The following MDGA2 variants were observed in gnomAD, a reference collection of about 807,000 sequenced individuals.
The protein encoded by MDGA2 is MAM domain-containing glycosylphosphatidylinositol anchor protein 2.
Under a neutral mutation model 117.8 loss-of-function variants are expected in MDGA2, and 40 were observed. The ratio of observed to expected loss-of-function variants is 0.34; its 90% CI spans 0.26 to 0.44. MDGA2 has a LOEUF of 0.44. MDGA2 is among the 20% of genes least tolerant of loss of function. The pLI is 1.00. For missense variants in MDGA2, 1,123 were observed against 1,250.6 expected (o/e 0.90, Z 1.54); for synonymous variants, 452 against 439.0 (o/e 1.03, Z -0.37).
At chr14:47,552,935 G>T (rs1294338644) in intron 1 of MDGA2, among the ~76,000 whole-genome samples, 1 of 152,060 alleles carries the variant, frequency 6.6e-6, no homozygotes, top group African/African-American at 2.4e-5. Flanking sequence ...CTATCTGCTG[G>T]CTGGTTCCCT....
chr14:47,641,580 A>G (rs1897425257), intron 1 of MDGA2, among the ~76,000 whole-genome samples: 1 of 152,152 alleles, frequency 6.6e-6, no homozygotes, highest in Admixed American at 6.5e-5. Flanking sequence ...GGTGGCCAGG[A>G]GTTCAAAAGT....
intron 16 of MDGA2, among the ~76,000 whole-genome samples, chr14:46,842,852 G>T (rs1294346054): frequency 6.6e-6 from 1 of 152,198 alleles, no homozygotes; most frequent in East Asian, 1.9e-4. Context: ...GCAGCCTGAG[G>T]AATCAGGAAG....
intron 1 of MDGA2, among the ~76,000 whole-genome samples, chr14:47,456,895 T>C (rs1261515025): frequency 6.6e-6 from 1 of 150,698 alleles, no homozygotes; most frequent in Non-Finnish European, 1.5e-5. Context: ...ACACTTGGAG[T>C]ATACTCAAAA....
At chr14:47,090,208 C>A (rs1879558134) in intron 6 of MDGA2, among the ~76,000 whole-genome samples, 1 of 152,036 alleles carries the variant, frequency 6.6e-6, no homozygotes, top group Non-Finnish European at 1.5e-5. Flanking sequence ...TAAATCATCA[C>A]TTTTTGGAAG....
At chr14:47,513,241 G>T (rs1367109519) in intron 1 of MDGA2, among the ~76,000 whole-genome samples, 2 of 152,094 alleles carry the variant, frequency 1.3e-5, no homozygotes, top group African/African-American at 4.8e-5. Flanking sequence ...CAGTCTAATT[G>T]CTCAAATGTT....
At chr14:47,339,904 T>C (rs558925390) in intron 1 of MDGA2, among the ~76,000 whole-genome samples, 2 of 152,276 alleles carry the variant, frequency 1.3e-5, no homozygotes, top group African/African-American at 2.4e-5. Context: ...TAATCATGAG[T>C]TTGTATCCAC....
At chr14:47,063,794 G>C (rs1889981340) in intron 6 of MDGA2, among the ~76,000 whole-genome samples, 2 of 151,670 alleles carry the variant, frequency 1.3e-5, no homozygotes, top group Admixed American at 6.6e-5. Flanking sequence ...GGTTCATATG[G>C]GATATCTTTT....
chr14:46,845,892 A>C, intron 15 of MDGA2, 21 bp from the exon 16 acceptor site: 3 of 1,545,382 alleles, frequency 1.9e-6, no homozygotes, highest in South Asian at 1.1e-5. Context: ...GAATGAAACA[A>C]ACCTAAATGT....
intron 4 of MDGA2, among the ~76,000 whole-genome samples, chr14:47,134,777 C>CACTATATA (rs1555356640): frequency 6.9e-6 from 1 of 145,910 alleles, no homozygotes. Context: ...CACACACACA[C>CACTATATA]TATATATATA....
At chr14:46,869,689 T>A (rs943273799) in intron 14 of MDGA2, among the ~76,000 whole-genome samples, 1 of 151,868 alleles carries the variant, frequency 6.6e-6, no homozygotes, top group African/African-American at 2.4e-5. Context: ...CTCAGTCACA[T>A]TAAATGGAAC....
chr14:47,561,163 G>GTTTTTTTTTTTTTTTTTTTTTTT (rs1309865250), intron 1 of MDGA2, among the ~76,000 whole-genome samples: 6 of 83,872 alleles, frequency 7.2e-5, no homozygotes, highest in Admixed American at 1.3e-4. Flanking sequence ...GTTTTGTTTT[G>GTTTTTTTTTTTTTTTTTTTTTTT]TTTTTTTGTT....
chr14:47,575,711 A>T (rs1234543993), intron 1 of MDGA2, among the ~76,000 whole-genome samples: 1 of 152,192 alleles, frequency 6.6e-6, no homozygotes, highest in Non-Finnish European at 1.5e-5. Context: ...TTTAAATTTT[A>T]TCAGAGATCA....
At chr14:47,255,318 C>T (rs995610697) in intron 2 of MDGA2, among the ~76,000 whole-genome samples, 1 of 152,088 alleles carries the variant, frequency 6.6e-6, no homozygotes, top group Non-Finnish European at 1.5e-5. Context: ...GACAAACAAC[C>T]CTCCAGGGAG....
chr14:46,873,715 T>G (rs1221931360), intron 13 of MDGA2, 124 bp from the exon 14 acceptor site: 1 of 870,784 alleles, frequency 1.1e-6, no homozygotes, highest in Admixed American at 3.1e-5. Context: ...TGCATCTCAT[T>G]TATAAAATCT....
intron 3 of MDGA2, chr14:47,200,534 C>CTTTT (rs10639284): frequency 0.015 from 6,418 of 419,910 alleles, 51 homozygotes; most frequent in East Asian, 0.028. Context: ...TTTTTCTTTT[C>CTTTT]TTTTTTTTTT....
At position 47,035,144 on chromosome 14, in the gene MDGA2, C is replaced by G; in HGVS notation, c.1686G>C (p.Met562Ile). 6 of 1,614,128 alleles carry G rather than the reference C, an allele frequency of 3.7e-6. No individual in the cohort carries two copies. The highest frequency in any genetic ancestry group is 5.1e-6 in the Non-Finnish European group (6 of 1,180,020). The change falls in exon 8 of 17, where the codon ATG (methionine) becomes ATC (isoleucine). Residue 562 changes from methionine to isoleucine, a missense_variant. Around this residue, in one of 2 missense-constraint regions of MDGA2, gnomAD observed 890 missense variants for 1,050.3 expected, o/e 0.85. Transcript: ENST00000399232. ...EVAMPDGSMQMESYDGTLRIV... is the reference protein window; with the variant it reads ...EVAMPDGSMQIESYDGTLRIV... ...TCCTCAGTGTTCCATCATAACTCTCCATTTGCATTGATCCATCAGGCATTG... is the reference window on the plus strand; with the variant it reads ...TCCTCAGTGTTCCATCATAACTCTCGATTTGCATTGATCCATCAGGCATTG...
intron 12 of MDGA2, 130 bp from the exon 13 acceptor site, chr14:46,874,330 A>C: frequency 2.5e-6 from 1 of 405,392 alleles, no homozygotes; most frequent in Non-Finnish European, 4.2e-6. Flanking sequence ...TGAGAGCCAT[A>C]ATGGTGCAGA....
intron 7 of MDGA2, among the ~76,000 whole-genome samples, chr14:47,036,218 TGA>T (rs1888845168): frequency 7.2e-6 from 1 of 139,680 alleles, no homozygotes; most frequent in South Asian, 2.2e-4. Context: ...TGCAGTGAGT[TGA>T]GATTGCACCA....
At chr14:47,186,714 A>G (rs548011165) in intron 3 of MDGA2, among the ~76,000 whole-genome samples, 39 of 152,102 alleles carry the variant, frequency 2.6e-4, no homozygotes, top group Non-Finnish European at 2.1e-4. Flanking sequence ...CTTAAACACC[A>G]GTTGACTTTT....
Sources: gnomAD v4.1 joint callset for allele counts (sites outside exome capture counted in the v4.1 genomes callset) on GRCh38, gnomAD v4.1.1 for gene constraint, gnomAD v4.1.1 regional missense constraint, MANE v1.5 for transcripts, NCBI Gene and HGNC (gene_info 2026-07-23, HGNC 2026-07-21) for gene names.